Variants in PHACTR1 observed in about 807,000 individuals in gnomAD.
The protein encoded by PHACTR1 is phosphatase and actin regulator 1, also known as RPEL repeat containing 1.
In PHACTR1, 16 loss-of-function variants were observed where a neutral mutation model predicts 69.2. The observed-to-expected ratio is 0.23, with a 90% CI of 0.16 to 0.35. The LOEUF (loss-of-function observed/expected upper bound fraction) is 0.35. Among genes scored for constraint, PHACTR1 ranks in the 10% least tolerant of loss-of-function variants. PHACTR1 has a pLI of 1.00. For synonymous variants in PHACTR1, 312 were observed against 284.5 expected (o/e 1.10, Z -0.97); for missense variants, 510 against 734.7 (o/e 0.69, Z 3.54).
chr6:12,823,318 T>C (rs891433497), intron 4 of PHACTR1, among the ~76,000 whole-genome samples: 2 of 152,240 alleles, frequency 1.3e-5, no homozygotes, highest in Non-Finnish European at 2.9e-5. Context: ...ATATTTTAAA[T>C]GAGCTTTATT....
intron 4 of PHACTR1, among the ~76,000 whole-genome samples, chr6:12,904,037 C>T (rs1785468819): frequency 2.0e-5 from 3 of 152,058 alleles, no homozygotes; most frequent in Admixed American, 1.3e-4. Flanking sequence ...TGACACAATG[C>T]CTGCATTCAT....
chr6:13,148,565 T>A (rs527540921), intron 5 of PHACTR1, among the ~76,000 whole-genome samples: 9 of 152,190 alleles, frequency 5.9e-5, no homozygotes, highest in Non-Finnish European at 1.0e-4. Flanking sequence ...AAAATGAGGC[T>A]GTTTCCTTCC....
intron 4 of PHACTR1, among the ~76,000 whole-genome samples, chr6:12,940,913 C>T (rs980754810): frequency 1.2e-4 from 19 of 152,298 alleles, no homozygotes; most frequent in Non-Finnish European, 2.4e-4. Flanking sequence ...TTACTACTGT[C>T]ACCCCATGTA....
intron 4 of PHACTR1, among the ~76,000 whole-genome samples, chr6:12,785,807 A>T (rs909102861): frequency 6.6e-6 from 1 of 152,150 alleles, no homozygotes; most frequent in African/African-American, 2.4e-5. Context: ...TATGTATTAC[A>T]TTACTCACAT....
chr6:12,763,470 A>G (rs1029023846), intron 4 of PHACTR1, among the ~76,000 whole-genome samples: 8 of 152,254 alleles, frequency 5.3e-5, no homozygotes, highest in African/African-American at 1.9e-4. Context: ...GAGTCCTTTC[A>G]TAAACCCAAT....
chr6:12,926,538 GGCTCCACCT>G (rs915573055), intron 4 of PHACTR1, among the ~76,000 whole-genome samples: 6 of 152,146 alleles, frequency 3.9e-5, no homozygotes, highest in African/African-American at 1.4e-4. Context: ...CCACGGTCCA[GGCTCCACCT>G]GCTCCACCCT....
intron 5 of PHACTR1, among the ~76,000 whole-genome samples, chr6:13,105,307 G>A (rs1344285906): frequency 6.6e-6 from 1 of 152,116 alleles, no homozygotes; most frequent in Admixed American, 6.6e-5. Flanking sequence ...TGTGCCCAGA[G>A]GGTTGAGGCT....
At chr6:13,217,332 G>A (rs115828779) in intron 8 of PHACTR1, among the ~76,000 whole-genome samples, 2,464 of 152,230 alleles carry the variant, frequency 0.016, 56 homozygotes, top group African/African-American at 0.054. Flanking sequence ...GCTGGGACTC[G>A]CACCATTCTG....
chr6:12,973,616 A>T (rs1794490601), intron 4 of PHACTR1, among the ~76,000 whole-genome samples: 1 of 152,144 alleles, frequency 6.6e-6, no homozygotes, highest in South Asian at 2.1e-4. Flanking sequence ...CTTTTTCAAC[A>T]GGTCAGTGTG....
At chr6:12,760,387 C>T (rs1489816241) in intron 4 of PHACTR1, among the ~76,000 whole-genome samples, 1 of 152,186 alleles carries the variant, frequency 6.6e-6, no homozygotes, top group Non-Finnish European at 1.5e-5. Flanking sequence ...ATAGGTCATC[C>T]TCTGAGTAAA....
At chr6:13,095,081 G>A (rs1193025502) in intron 5 of PHACTR1, among the ~76,000 whole-genome samples, 1 of 152,188 alleles carries the variant, frequency 6.6e-6, no homozygotes, top group Non-Finnish European at 1.5e-5. Context: ...CCACCTGCAA[G>A]CCAAGAGAAG....
At chr6:12,752,923 T>C (rs550631252) in intron 4 of PHACTR1, among the ~76,000 whole-genome samples, 1 of 152,360 alleles carries the variant, frequency 6.6e-6, no homozygotes, top group African/African-American at 2.4e-5. Flanking sequence ...ACTTTTATTT[T>C]TCTAAGAGTC....
At chr6:12,844,499 G>A (rs896797800) in intron 4 of PHACTR1, among the ~76,000 whole-genome samples, 3 of 152,160 alleles carry the variant, frequency 2.0e-5, no homozygotes, top group Non-Finnish European at 2.9e-5. Context: ...CACCCAGGTC[G>A]TGATGCCTTT....
chr6:13,220,196 A>G (rs1034374633), intron 8 of PHACTR1, among the ~76,000 whole-genome samples: 1 of 152,212 alleles, frequency 6.6e-6, no homozygotes, highest in Non-Finnish European at 1.5e-5. Flanking sequence ...GGTATCTTTA[A>G]GACATTGTGT....
chr6:12,790,045 A>G (rs979571186), intron 4 of PHACTR1, among the ~76,000 whole-genome samples: 1 of 151,906 alleles, frequency 6.6e-6, no homozygotes, highest in Non-Finnish European at 1.5e-5. Flanking sequence ...TTACTCTGAT[A>G]ACCTCTGAAT....
intron 4 of PHACTR1, among the ~76,000 whole-genome samples, chr6:12,900,599 G>A (rs960209402): frequency 5.3e-5 from 8 of 152,190 alleles, no homozygotes; most frequent in African/African-American, 1.9e-4. Context: ...TTGGGCGGCT[G>A]AGTGGGGAGG....
intron 10 of PHACTR1, among the ~76,000 whole-genome samples, chr6:13,264,177 G>A (rs866281013): frequency 2.0e-5 from 3 of 152,100 alleles, no homozygotes; most frequent in Admixed American, 6.5e-5. Flanking sequence ...ATTCCAATAC[G>A]GAACATTGCA....
At chr6:13,119,535 C>T (rs975066932) in intron 5 of PHACTR1, among the ~76,000 whole-genome samples, 1 of 152,132 alleles carries the variant, frequency 6.6e-6, no homozygotes, top group Non-Finnish European at 1.5e-5. Context: ...GACCCACTAG[C>T]CCAGAATAGA....
rs150454831 is a variant in PHACTR1 at position 12,763,930 on chromosome 6, A to G, written c.250+14140A>G. On this transcript the variant is annotated intron_variant, in intron 4 of 14. Coordinates refer to ENST00000332995, the MANE Select transcript of PHACTR1 (RefSeq NM_030948.6). ...AACATATTATTAATTAATAATTAAT[A>G]AAAATATATTGTTTGGAAAAAAAGC... 1.4e-3 allele frequency among the ~76,000 whole-genome samples: 210 copies of G among 152,222 alleles called. 1 individual carries two copies. Among genetic ancestry groups the G allele is most frequent in the African/African-American group, 4.0e-3 (168 of 41,576 alleles).
Sources: allele counts gnomAD v4.1 joint callset (sites outside exome capture counted in the v4.1 genomes callset), GRCh38; gene constraint gnomAD v4.1.1; transcripts MANE v1.5; gene names NCBI Gene and HGNC (gene_info 2026-07-23, HGNC 2026-07-21).